Variants in ADAM32 observed in about 807,000 individuals in gnomAD.
ADAM32 encodes ADAM metallopeptidase domain 32.
A neutral mutation model predicts 114.9 loss-of-function variants in ADAM32; 89 were observed. The observed-to-expected ratio is 0.77, with a 90% confidence interval of 0.65 to 0.92. The LOEUF (loss-of-function observed/expected upper bound fraction) is 0.92, where lower values mean the gene tolerates loss of function less well. ADAM32 is among the 40% of genes least tolerant of loss of function. ADAM32 has a pLI of 0.00. For missense variants in ADAM32, 870 were observed against 932.8 expected, an observed-to-expected ratio of 0.93 and a Z score of 0.88; for synonymous variants, 285 against 307.5, an observed-to-expected ratio of 0.93 and a Z score of 0.77.
At chr8:39,203,279 A>T (rs1366905684) in intron 11 of ADAM32, among the ~76,000 whole-genome samples, 1 of 152,140 alleles carries the variant, frequency 6.6e-6, no homozygotes, top group Non-Finnish European at 1.5e-5. Flanking sequence ...GTCTCTTTGT[A>T]GGTCTCTAAG....
intron 18 of ADAM32, among the ~76,000 whole-genome samples, chr8:39,254,833 C>T (rs1257895731): frequency 6.6e-6 from 1 of 151,704 alleles, no homozygotes; most frequent in Admixed American, 6.6e-5. Flanking sequence ...GTATACTGTA[C>T]CCAATGTGTA....
intron 19 of ADAM32, among the ~76,000 whole-genome samples, chr8:39,265,013 G>A (rs566617342): frequency 1.1e-4 from 16 of 152,066 alleles, no homozygotes; most frequent in African/African-American, 3.4e-4. Flanking sequence ...GTCAAGTGCC[G>A]CGTTAAGTCC....
chr8:39,205,136 T>C (rs1305360620), intron 11 of ADAM32, among the ~76,000 whole-genome samples: 1 of 152,204 alleles, frequency 6.6e-6, no homozygotes, highest in Non-Finnish European at 1.5e-5. Context: ...CTGGGAGAAC[T>C]ACTACTCTCT....
intron 6 of ADAM32, among the ~76,000 whole-genome samples, chr8:39,152,720 CAAAAA>C (rs112877602): frequency 1.5e-5 from 2 of 136,856 alleles, no homozygotes; most frequent in African/African-American, 6.2e-5. Flanking sequence ...GACTCCATCT[CAAAAA>C]AAAAAAAAAA....
chr8:39,138,157 T>C (rs966115768), intron 3 of ADAM32, among the ~76,000 whole-genome samples: 6 of 152,118 alleles, frequency 3.9e-5, no homozygotes, highest in Non-Finnish European at 7.4e-5. Flanking sequence ...TTTCCTTTTT[T>C]TGTGTGTATG....
rs1055705160 is a variant in ADAM32, at chr8:39,246,185, C to A, written c.1902+19C>A. 3.8e-6 allele frequency: 6 copies of A among 1,598,800 alleles called. No homozygotes were observed. The highest frequency in any genetic ancestry group is 5.1e-6 in the Non-Finnish European group (6 of 1,170,566). On this transcript the variant is annotated intron_variant, in intron 17 of 24. Coordinates refer to ENST00000379907, the MANE Select transcript of ADAM32 (RefSeq NM_145004.7). ...ACATGGAGTAAGTAACCACATGTTT[C>A]CCTGAATCACATTTCTTGGACACTT... is the stretch of plus-strand genomic sequence containing the variant.
intron 18 of ADAM32, among the ~76,000 whole-genome samples, chr8:39,255,582 T>C (rs1564697282): frequency 6.6e-6 from 1 of 152,050 alleles, no homozygotes; most frequent in Non-Finnish European, 1.5e-5. Flanking sequence ...AATTCCTTTT[T>C]TTCTTGCTGA....
intron 11 of ADAM32, among the ~76,000 whole-genome samples, chr8:39,197,115 G>A (rs1164118976): frequency 6.6e-6 from 1 of 151,968 alleles, no homozygotes; most frequent in African/African-American, 2.4e-5. Flanking sequence ...TAGGTTTTCC[G>A]ATTTGTCAGC....
intron 2 of ADAM32, among the ~76,000 whole-genome samples, chr8:39,135,782 T>C (rs1476036873): frequency 1.3e-5 from 2 of 152,196 alleles, no homozygotes; most frequent in Admixed American, 6.5e-5. Flanking sequence ...TATTTTCTCA[T>C]GTTCAGTGAA....
intron 17 of ADAM32, among the ~76,000 whole-genome samples, 172 bp downstream of exon 17, chr8:39,246,338 G>C (rs1352824325): frequency 6.6e-6 from 1 of 152,108 alleles, no homozygotes; most frequent in African/African-American, 2.4e-5. Context: ...AGTTACAGAA[G>C]ATATATTGAG....
intron 14 of ADAM32, among the ~76,000 whole-genome samples, chr8:39,230,794 T>C (rs143758042): frequency 6.6e-6 from 1 of 152,154 alleles, no homozygotes; most frequent in African/African-American, 2.4e-5. Flanking sequence ...AGAAACTTTC[T>C]TGATCTTGAA....
chr8:39,151,256 C>A, intron 5 of ADAM32, 121 bp from the exon 6 acceptor site: 1 of 834,996 alleles, frequency 1.2e-6, no homozygotes, highest in Non-Finnish European at 1.8e-6. Context: ...ATCTCTAAGA[C>A]AGAATTCAGA....
At chr8:39,284,002 A>C (rs534602008) in intron 24 of ADAM32, among the ~76,000 whole-genome samples, 2 of 152,014 alleles carry the variant, frequency 1.3e-5, no homozygotes, top group African/African-American at 4.8e-5. Context: ...TTGAACTCCT[A>C]ACCTCAGGTG....
intron 16 of ADAM32, among the ~76,000 whole-genome samples, chr8:39,244,015 G>T (rs991790009): frequency 6.6e-6 from 1 of 152,092 alleles, no homozygotes; most frequent in African/African-American, 2.4e-5. Flanking sequence ...ATCAAATCAA[G>T]AATTCAACCC....
chr8:39,198,077 G>T (rs933479983), intron 11 of ADAM32, among the ~76,000 whole-genome samples: 1 of 151,196 alleles, frequency 6.6e-6, no homozygotes, highest in Non-Finnish European at 1.5e-5. Context: ...TAATGACTTG[G>T]TTTTTTTTAT....
chr8:39,115,885 T>G (rs1032271474), intron 1 of ADAM32, among the ~76,000 whole-genome samples: 3 of 152,192 alleles, frequency 2.0e-5, no homozygotes. Context: ...AGTTGTACAT[T>G]TAGGTCTTTA....
At chr8:39,187,321 G>C (rs1202531936) in intron 11 of ADAM32, among the ~76,000 whole-genome samples, 1 of 152,186 alleles carries the variant, frequency 6.6e-6, no homozygotes, top group African/African-American at 2.4e-5. Context: ...GCCCAGGCCA[G>C]ACTGCAGTGG....
At position 39,234,069 on chromosome 8, in the gene ADAM32, GTGA is replaced by G; in HGVS notation, c.1807_1809del (p.Asp603del). On this transcript the variant is annotated inframe_deletion, in exon 16 of 25. Transcript: ENST00000379907. The stretch of plus-strand genomic sequence containing the variant: ...CTGGCTGTCAAAAATGGCTCTCAGT[GTGA>G]TATTGGGAGGGTAAATAATTTAAAA... 7.0e-7 allele frequency: 1 copy of G among 1,423,820 alleles called. No individual in the cohort carries two copies. Among genetic ancestry groups the G allele is most frequent in the Non-Finnish European group, 9.2e-7 (1 of 1,082,072 alleles). The allele number at this position is 1,423,820 out of a possible 1,614,324, so 88.2% of individuals were successfully genotyped here.
intron 6 of ADAM32, among the ~76,000 whole-genome samples, chr8:39,152,422 G>T (rs563313862): frequency 6.2e-4 from 95 of 152,168 alleles, no homozygotes; most frequent in African/African-American, 2.1e-3. Context: ...TTTTCTGTCA[G>T]TAAAGAAAAA....
Sources: allele counts gnomAD v4.1 joint callset (sites outside exome capture counted in the v4.1 genomes callset), GRCh38; gene constraint gnomAD v4.1.1; transcripts MANE v1.5; gene names NCBI Gene and HGNC (gene_info 2026-07-23, HGNC 2026-07-21).